RIMS2: variants seen among roughly 807,000 people sequenced by gnomAD.
The protein encoded by RIMS2 is regulating synaptic membrane exocytosis protein 2.
In RIMS2, 59 loss-of-function variants were observed where a neutral mutation model predicts 174.4. That is an observed-to-expected ratio of 0.34 (90% confidence interval 0.27 to 0.42). RIMS2 has a LOEUF of 0.42. Among genes scored for constraint, RIMS2 ranks in the 10% least tolerant of loss-of-function variants. RIMS2 has a pLI of 1.00. For missense variants in RIMS2, 1,620 were observed against 1,666.3 expected (o/e 0.97, Z 0.48); for synonymous variants, 606 against 572.5 (o/e 1.06, Z -0.84).
intron 2 of RIMS2, among the ~76,000 whole-genome samples, chr8:103,753,674 G>A (rs2139839763): frequency 6.6e-6 from 1 of 152,198 alleles, no homozygotes; most frequent in South Asian, 2.1e-4. Context: ...TATGTGTCCA[G>A]GAATTTATTC....
At chr8:103,975,368 G>T in exon 16 of RIMS2, 2 of 1,611,870 alleles carry the variant, frequency 1.2e-6, no homozygotes, top group Non-Finnish European at 1.7e-6. Context: ...CATGATGGTC[G>T]AGATCTTCAA....
chr8:104,014,731 C>A, intron 19 of RIMS2, 116 bp downstream of exon 21: 1 of 554,388 alleles, frequency 1.8e-6, no homozygotes, highest in Non-Finnish European at 3.2e-6. Flanking sequence ...TATGCCTTGT[C>A]TGTATTTGAT....
chr8:103,645,503 C>G (rs1359906334), intron 1 of RIMS2, among the ~76,000 whole-genome samples: 1 of 152,058 alleles, frequency 6.6e-6, no homozygotes, highest in Admixed American at 6.6e-5. Flanking sequence ...TAGGTATAGC[C>G]TTGTAATGAA....
chr8:103,674,250 G>C (rs937906557), intron 1 of RIMS2, among the ~76,000 whole-genome samples: 12 of 151,976 alleles, frequency 7.9e-5, no homozygotes, highest in African/African-American at 2.2e-4. Flanking sequence ...CTCTTCTTCT[G>C]AGCCCTCCAA....
At chr8:103,649,198 T>C (rs1232190916) in intron 1 of RIMS2, among the ~76,000 whole-genome samples, 1 of 152,170 alleles carries the variant, frequency 6.6e-6, no homozygotes, top group Non-Finnish European at 1.5e-5. Flanking sequence ...TCACTTATGA[T>C]GTTTAGTTTG....
intron 17 of RIMS2, among the ~76,000 whole-genome samples, chr8:104,002,208 GTTA>G (rs754931421): frequency 1.3e-5 from 2 of 151,770 alleles, no homozygotes; most frequent in Non-Finnish European, 2.9e-5. Context: ...GTTTCATTAA[GTTA>G]TTTCTACTTC....
intron 22 of RIMS2, among the ~76,000 whole-genome samples, 200 bp from the exon 29 acceptor site, chr8:104,250,824 A>T (rs2099356571): frequency 6.6e-6 from 1 of 152,222 alleles, no homozygotes; most frequent in Middle Eastern, 3.2e-3. Context: ...CTCAGAGGTT[A>T]TGTCAGCATC....
intron 1 of RIMS2, among the ~76,000 whole-genome samples, chr8:103,674,790 T>C (rs933157073): frequency 6.6e-5 from 10 of 152,180 alleles, no homozygotes; most frequent in African/African-American, 2.4e-4. Context: ...AATGATTTTA[T>C]GATTTTTAGA....
At position 103,807,627 on chromosome 8, in the gene RIMS2, AT is replaced by A. The variant is rs374253526; in HGVS notation, c.698+41092del. ...AACTTGATTCACATATACAATTAATATTATTTGTTTATCATTACAAGTATCA... is the reference window on the plus strand; with the variant it reads ...AACTTGATTCACATATACAATTAATATATTTGTTTATCATTACAAGTATCA... On this transcript the variant is annotated intron_variant, in intron 3 of 23. Transcript: ENST00000504942. 3.1e-4 allele frequency among the ~76,000 whole-genome samples: 47 copies of A among 152,262 alleles called. 1 individual carries two copies. The South Asian group carries it at 6.8e-3, about 22-fold the overall frequency.
intron 1 of RIMS2, among the ~76,000 whole-genome samples, chr8:103,692,623 T>G (rs957487953): frequency 1.3e-5 from 2 of 152,222 alleles, no homozygotes; most frequent in Non-Finnish European, 2.9e-5. Context: ...CTGCTAGGAC[T>G]GGGTTCTTTC....
intron 19 of RIMS2, chr8:104,093,495 A>G (rs1391010190): frequency 6.3e-7 from 1 of 1,596,996 alleles, no homozygotes; most frequent in South Asian, 1.1e-5. Context: ...GGATCCTCAT[A>G]GAGGGGCAGA....
At chr8:103,733,585 G>T (rs1456234577) in intron 2 of RIMS2, among the ~76,000 whole-genome samples, 1 of 152,192 alleles carries the variant, frequency 6.6e-6, no homozygotes, top group Non-Finnish European at 1.5e-5. Context: ...TCTGAACTCA[G>T]GTTCTCACTG....
chr8:104,127,187 T>C (rs2098438744), intron 19 of RIMS2, among the ~76,000 whole-genome samples: 1 of 152,236 alleles, frequency 6.6e-6, no homozygotes, highest in Non-Finnish European at 1.5e-5. Flanking sequence ...TAAGTATGCC[T>C]GCTTTTGGCT....
chr8:103,738,722 A>G (rs1264294215), intron 2 of RIMS2, among the ~76,000 whole-genome samples: 1 of 152,216 alleles, frequency 6.6e-6, no homozygotes, highest in Non-Finnish European at 1.5e-5. Flanking sequence ...GGCAAAGGGT[A>G]TGAACAGACA....
At chr8:104,020,454 T>C (rs1160431327) in intron 19 of RIMS2, among the ~76,000 whole-genome samples, 1 of 152,064 alleles carries the variant, frequency 6.6e-6, no homozygotes, top group Non-Finnish European at 1.5e-5. Context: ...CAATTTAAGT[T>C]ATCCAGTATT....
chr8:103,939,529 A>T (rs1332081977), intron 13 of RIMS2, among the ~76,000 whole-genome samples: 1 of 152,126 alleles, frequency 6.6e-6, no homozygotes, highest in East Asian at 1.9e-4. Flanking sequence ...TGCCGTGAAG[A>T]CCTCTGACAT....
chr8:103,578,430 C>T (rs1588143695), intron 1 of RIMS2, among the ~76,000 whole-genome samples: 2 of 152,174 alleles, frequency 1.3e-5, no homozygotes, highest in South Asian at 2.1e-4. Flanking sequence ...ACTCGGGAGA[C>T]TGAGACGGGA....
At chr8:103,988,182 G>A (rs974447747) in intron 16 of RIMS2, among the ~76,000 whole-genome samples, 2 of 152,116 alleles carry the variant, frequency 1.3e-5, no homozygotes, top group African/African-American at 4.8e-5. Context: ...CAGCAAAATA[G>A]ACATATTGAA....
intron 3 of RIMS2, among the ~76,000 whole-genome samples, chr8:103,875,045 A>C (rs562407263): frequency 6.6e-6 from 1 of 152,122 alleles, no homozygotes; most frequent in South Asian, 2.1e-4. Flanking sequence ...GTTGGGAAAG[A>C]AGCTGGCAAG....
Sources: allele counts gnomAD v4.1 joint callset (sites outside exome capture counted in the v4.1 genomes callset), GRCh38; gene constraint gnomAD v4.1.1; transcripts MANE v1.5; gene names NCBI Gene and HGNC (gene_info 2026-07-23, HGNC 2026-07-21).